Variants in CPXM2 observed in about 807,000 individuals in gnomAD.
CPXM2 encodes the protein carboxypeptidase X, M14 family member 2, also known as inactive carboxypeptidase-like protein X2.
Under a neutral mutation model 86.1 loss-of-function variants are expected in CPXM2, and 66 were observed. That is an observed-to-expected ratio of 0.77 (90% CI 0.63 to 0.94). The LOEUF (loss-of-function observed/expected upper bound fraction) is 0.94. CPXM2 is among the 40% of genes least tolerant of loss of function. The pLI, the probability that CPXM2 is intolerant of heterozygous loss-of-function variation, is 0.00. For synonymous variants in CPXM2, 388 were observed against 400.2 expected, an observed-to-expected ratio of 0.97 and a Z score of 0.36; for missense variants, 948 against 1,026.3, an observed-to-expected ratio of 0.92 and a Z score of 1.04.
chr10:123,897,275 T>A (rs1165049163), intron 2 of CPXM2, among the ~76,000 whole-genome samples: 1 of 152,158 alleles, frequency 6.6e-6, no homozygotes, highest in Non-Finnish European at 1.5e-5. Flanking sequence ...TTAATTCACC[T>A]GTCATCTGTG....
intron 10 of CPXM2, among the ~76,000 whole-genome samples, chr10:123,765,327 T>C (rs924257850): frequency 6.6e-6 from 1 of 152,260 alleles, no homozygotes; most frequent in African/African-American, 2.4e-5. Flanking sequence ...TTGGTGATGA[T>C]AGAATTGTGT....
At chr10:123,875,108 C>A (rs1297847524) in intron 2 of CPXM2, among the ~76,000 whole-genome samples, 1 of 152,164 alleles carries the variant, frequency 6.6e-6, no homozygotes, top group Admixed American at 6.5e-5. Flanking sequence ...AGCCCAGGAC[C>A]CCTAATCAAA....
chr10:123,912,312 G>A (rs1178398724), intron 2 of CPXM2, among the ~76,000 whole-genome samples: 1 of 122,250 alleles, frequency 8.2e-6, no homozygotes, highest in South Asian at 3.5e-4. Flanking sequence ...GGTGGGCGGG[G>A]GGGGGGGGGC....
intron 7 of CPXM2, among the ~76,000 whole-genome samples, chr10:123,774,289 C>T (rs1346435192): frequency 2.0e-5 from 3 of 152,154 alleles, no homozygotes; most frequent in Non-Finnish European, 2.9e-5. Context: ...AGGGCATGGC[C>T]CACAGCGGGG....
Position 123,771,740 on chromosome 10 carries a change from G to A in CPXM2, c.979-701C>T, listed in dbSNP as rs556794146. On this transcript the variant is annotated intron_variant, in intron 7 of 13. Transcript: ENST00000241305. ...CCCCACATGTCATGAAAGGGACCGG[G>A]TGGGAGGTAATTGAATCATGGGGGT... Among the ~76,000 whole-genome samples the A allele has an allele frequency of 2.2e-3, 337 of 152,286 alleles. 2 individuals are homozygous for A. Among genetic ancestry groups the A allele is most frequent in the Non-Finnish European group, 3.1e-3 (209 of 68,020 alleles).
At chr10:123,889,040 A>G (rs1945223889) in intron 1 of CPXM2, among the ~76,000 whole-genome samples, 1 of 152,144 alleles carries the variant, frequency 6.6e-6, no homozygotes, top group Admixed American at 6.5e-5. Flanking sequence ...AAACCAAATG[A>G]GCTTTTTCTT....
rs766521627 is a variant in CPXM2, at chr10:123,862,653, G to A, written c.474C>T (p.Arg158=). ...TCCCTCGATGTGCCCCCAGGCCATA[G>A]CGCTTCACCGTGGAGGCATGGAGCT... ...DFQLHASTVK[R]YGLGAHRGRL... Residue 158 remains arginine (R), a synonymous_variant, in exon 3 of 14, where the codon CGC becomes CGT. Transcript: ENST00000241305. 6.2e-6 allele frequency: 10 copies of A among 1,614,098 alleles called. No individual in the cohort carries two copies. The highest frequency in any genetic ancestry group is 8.5e-6 in the Non-Finnish European group (10 of 1,180,052).
rs34482126 is a variant in CPXM2 at position 123,867,527 on chromosome 10, C to CTTTTTTT, written c.404-4811_404-4805dup. The stretch of plus-strand genomic sequence containing the variant: ...AGAGCGTCATCCTAGAGATTTCTTT[C>CTTTTTTT]TTTTTTTTTTTTTTTTTTTTTTTGA... On this transcript the variant is annotated intron_variant, in intron 2 of 13. Transcript: ENST00000241305. 1.2e-4 allele frequency among the ~76,000 whole-genome samples: 11 copies of CTTTTTTT among 92,918 alleles called. No individual in the cohort carries two copies. In the South Asian group the frequency reaches 1.2e-3, roughly 11 times the overall value. 61.0% of individuals were successfully genotyped at this position (92,918 alleles called of 152,430 possible). A position where few individuals can be genotyped will look rare whatever the true frequency, so the allele number is the denominator to read the frequency against.
At chr10:123,747,941 A>AT (rs1846001199) in intron 13 of CPXM2, among the ~76,000 whole-genome samples, 1 of 151,020 alleles carries the variant, frequency 6.6e-6, no homozygotes, top group Non-Finnish European at 1.5e-5. Flanking sequence ...AAAAAAAAAA[A>AT]GACAGGTTCT....
At chr10:123,751,912 T>C (rs1032603431) in intron 13 of CPXM2, 1 of 985,392 alleles carries the variant, frequency 1.0e-6, no homozygotes. Context: ...TCATCAAAAC[T>C]GTCTCATTGA....
chr10:123,836,784 G>C (rs1178886122), intron 4 of CPXM2, among the ~76,000 whole-genome samples: 1 of 152,168 alleles, frequency 6.6e-6, no homozygotes, highest in Non-Finnish European at 1.5e-5. Flanking sequence ...GGGTATAGGA[G>C]AACTTCCTCC....
At chr10:123,750,877 C>A (rs1846057991) in intron 13 of CPXM2, 1 of 985,444 alleles carries the variant, frequency 1.0e-6, no homozygotes, top group Non-Finnish European at 1.2e-6. Context: ...TTCCCCATGT[C>A]TTCCTTGAGG....
At chr10:123,860,411 A>G (rs112806871) in intron 3 of CPXM2, among the ~76,000 whole-genome samples, 1 of 152,168 alleles carries the variant, frequency 6.6e-6, no homozygotes, top group Non-Finnish European at 1.5e-5. Flanking sequence ...GCCTGTCTAC[A>G]ACATCTCATT....
At chr10:123,819,055 T>C (rs1847871863) in intron 4 of CPXM2, among the ~76,000 whole-genome samples, 1 of 148,602 alleles carries the variant, frequency 6.7e-6, no homozygotes, top group Non-Finnish European at 1.5e-5. Flanking sequence ...TCCATTAAAC[T>C]GGAAGTTAAA....
intron 3 of CPXM2, among the ~76,000 whole-genome samples, chr10:123,854,378 TA>T (rs1848668110): frequency 8.2e-6 from 1 of 121,288 alleles, no homozygotes; most frequent in Admixed American, 9.7e-5. Context: ...ATATATAATA[TA>T]TATATAATAT....
At chr10:123,842,643 T>C (rs1340876941) in intron 3 of CPXM2, among the ~76,000 whole-genome samples, 155 bp from the exon 4 acceptor site, 1 of 152,208 alleles carries the variant, frequency 6.6e-6, no homozygotes, top group African/African-American at 2.4e-5. Flanking sequence ...GAACTCCTCA[T>C]CCTAAATCAT....
chr10:123,838,375 A>G (rs1180292491), intron 4 of CPXM2, among the ~76,000 whole-genome samples: 1 of 152,124 alleles, frequency 6.6e-6, no homozygotes, highest in African/African-American at 2.4e-5. Context: ...TATCACTTGA[A>G]CCTGGGAGGT....
At chr10:123,756,325 C>A (rs1846210307) in intron 12 of CPXM2, among the ~76,000 whole-genome samples, 1 of 152,120 alleles carries the variant, frequency 6.6e-6, no homozygotes, top group Admixed American at 6.5e-5. Context: ...TTAGTGGGGC[C>A]CGGATACTGT....
chr10:123,801,724 C>A (rs58431096), intron 4 of CPXM2, among the ~76,000 whole-genome samples: 4 of 152,276 alleles, frequency 2.6e-5, no homozygotes, highest in African/African-American at 7.2e-5. Context: ...TCACGTTCTA[C>A]GAGACCCTTG....
Sources: allele counts gnomAD v4.1 joint callset (sites outside exome capture counted in the v4.1 genomes callset), GRCh38; gene constraint gnomAD v4.1.1; transcripts MANE v1.5; gene names NCBI Gene and HGNC (gene_info 2026-07-23, HGNC 2026-07-21).